The following VXN variants were observed in gnomAD, a reference collection of about 807,000 sequenced individuals.
VXN encodes vexin, also known as uncharacterized protein C8orf46.
VXN carries 7 observed loss-of-function variants against 23.1 expected under a neutral mutation model. The observed-to-expected ratio is 0.30, with a 90% confidence interval of 0.17 to 0.57. The LOEUF (loss-of-function observed/expected upper bound fraction) is 0.57. VXN is among the 20% of genes least tolerant of loss of function. The pLI, the probability that VXN is intolerant of heterozygous loss-of-function variation, is 0.91. For missense variants in VXN, 238 were observed against 272.6 expected (o/e 0.87, Z 0.89); for synonymous variants, 120 against 105.8 (o/e 1.13, Z -0.83).
intron 4 of VXN, among the ~76,000 whole-genome samples, 178 bp from the exon 5 acceptor site, chr8:66,513,362 G>A (rs113976404): frequency 7.9e-5 from 12 of 152,322 alleles, no homozygotes; most frequent in Admixed American, 1.3e-4. Context: ...AGAAGCTGGG[G>A]TGGGGCCTGG....
At chr8:66,503,429 AGTGTG>A (rs1213144236) in intron 2 of VXN, 1 of 152,232 alleles carries the variant, frequency 6.6e-6, no homozygotes, top group Non-Finnish European at 1.5e-5. Flanking sequence ...AATAAGGAGA[AGTGTG>A]AATCAAAGAC....
At chr8:66,505,679 C>T in intron 3 of VXN, 151 bp downstream of exon 3, 1 of 967,158 alleles carries the variant, frequency 1.0e-6, no homozygotes, top group Non-Finnish European at 1.4e-6. Flanking sequence ...CAAGTAAATG[C>T]TGTTTCCACC....
At chr8:66,499,221 G>GTT (rs759637693) in intron 2 of VXN, among the ~76,000 whole-genome samples, 138 of 109,564 alleles carry the variant, frequency 1.3e-3, no homozygotes, top group East Asian at 1.9e-3. Flanking sequence ...TATTGGGTTG[G>GTT]TTTTTTTTTT....
chr8:66,498,336 TA>T (rs904133322), intron 2 of VXN, among the ~76,000 whole-genome samples: 3 of 151,870 alleles, frequency 2.0e-5, no homozygotes, highest in South Asian at 2.1e-4. Flanking sequence ...CTGCCTCAAA[TA>T]AAAAAAATAA....
intron 2 of VXN, chr8:66,498,747 T>C (rs1437595277): frequency 7.0e-6 from 3 of 429,520 alleles, no homozygotes; most frequent in African/African-American, 4.1e-5. Context: ...TGGTGTGAGA[T>C]TTCATCACAC....
intron 4 of VXN, chr8:66,510,421 C>A: frequency 2.7e-6 from 1 of 376,504 alleles, no homozygotes; most frequent in East Asian, 5.4e-5. Flanking sequence ...ATCCAATAGA[C>A]ATCTTATACA....
At chr8:66,502,829 T>C (rs1312297857) in intron 2 of VXN, among the ~76,000 whole-genome samples, 1 of 150,876 alleles carries the variant, frequency 6.6e-6, no homozygotes, top group Non-Finnish European at 1.5e-5. Flanking sequence ...AATTCCTATC[T>C]GGATGTAGGC....
intron 2 of VXN, among the ~76,000 whole-genome samples, chr8:66,503,086 A>G (rs969195118): frequency 1.3e-5 from 2 of 152,042 alleles, no homozygotes; most frequent in Admixed American, 6.5e-5. Flanking sequence ...GGGTTCAATG[A>G]TCCGCCACCT....
intron 3 of VXN, among the ~76,000 whole-genome samples, chr8:66,508,821 G>A (rs1273375246): frequency 2.6e-5 from 4 of 152,114 alleles, no homozygotes; most frequent in South Asian, 2.1e-4. Context: ...GCAACATGGC[G>A]AAACCCTATC....
intron 4 of VXN, among the ~76,000 whole-genome samples, chr8:66,511,447 C>G (rs1176867823): frequency 6.6e-6 from 1 of 152,198 alleles, no homozygotes; most frequent in Non-Finnish European, 1.5e-5. Context: ...CTCATTTAGG[C>G]CATCACTATT....
At chr8:66,514,728 C>A (rs963086746) in intron 5 of VXN, among the ~76,000 whole-genome samples, 10 of 152,212 alleles carry the variant, frequency 6.6e-5, no homozygotes, top group Admixed American at 5.2e-4. Flanking sequence ...CCACACCTGG[C>A]CTGAGAATTG....
At chr8:66,510,928 G>A (rs1807814771) in intron 4 of VXN, among the ~76,000 whole-genome samples, 1 of 152,074 alleles carries the variant, frequency 6.6e-6, no homozygotes, top group African/African-American at 2.4e-5. Flanking sequence ...CTTGTAGGGG[G>A]CTCCGGAACA....
At chr8:66,506,183 A>G (rs576541655) in intron 3 of VXN, among the ~76,000 whole-genome samples, 3 of 151,544 alleles carry the variant, frequency 2.0e-5, no homozygotes, top group Non-Finnish European at 2.9e-5. Flanking sequence ...CATGAAGCAA[A>G]GGAGGATCAC....
At chr8:66,496,593 A>C (rs984331996) in intron 2 of VXN, 101 bp downstream of exon 2, 10 of 1,106,812 alleles carry the variant, frequency 9.0e-6, no homozygotes, top group Non-Finnish European at 1.4e-5. Flanking sequence ...AGTGGCCAGG[A>C]GGGTTTCAGT....
intron 3 of VXN, among the ~76,000 whole-genome samples, chr8:66,506,936 ATG>A (rs1807766801): frequency 6.6e-6 from 1 of 151,846 alleles, no homozygotes; most frequent in Non-Finnish European, 1.5e-5. Flanking sequence ...GGGTGGGTGC[ATG>A]TGTGTGTGGA....
At chr8:66,515,630 C>T (rs1807878774) in intron 5 of VXN, among the ~76,000 whole-genome samples, 1 of 152,190 alleles carries the variant, frequency 6.6e-6, no homozygotes. Context: ...CAAGACCAGA[C>T]CCAGAGCAGG....
chr8:66,499,211 T>C (rs1807661333), intron 2 of VXN, among the ~76,000 whole-genome samples: 1 of 149,524 alleles, frequency 6.7e-6, no homozygotes, highest in Admixed American at 6.7e-5. Context: ...ATTCAATAAG[T>C]ATTGGGTTGG....
At chr8:66,504,723 G>A (rs1348819323) in intron 2 of VXN, among the ~76,000 whole-genome samples, 2 of 152,016 alleles carry the variant, frequency 1.3e-5, no homozygotes, top group African/African-American at 4.8e-5. Flanking sequence ...CAAGATTTCC[G>A]TGCACAGAAC....
intron 1 of VXN, 145 bp from the exon 2 acceptor site, chr8:66,496,292 A>G (rs894163232): frequency 7.2e-6 from 5 of 691,058 alleles, no homozygotes; most frequent in Non-Finnish European, 1.2e-5. Flanking sequence ...AACATCTTCA[A>G]TCGCAACGAC....
Sources: allele counts gnomAD v4.1 joint callset (sites outside exome capture counted in the v4.1 genomes callset), GRCh38; gene constraint gnomAD v4.1.1; transcripts MANE v1.5; gene names NCBI Gene and HGNC (gene_info 2026-07-23, HGNC 2026-07-21).